CCR5AS: variants seen among roughly 807,000 people sequenced by gnomAD.
CCR5AS encodes CCR5 antisense RNA.
At chr3:46,391,632 A>G (rs1325641087) in intron 2 of CCR5AS, among the ~76,000 whole-genome samples, 5 of 152,214 alleles carry the variant, frequency 3.3e-5, no homozygotes, top group Admixed American at 2.0e-4. Flanking sequence ...AAAAAGGAGC[A>G]TTAACCTTGA....
intron 1 of CCR5AS, among the ~76,000 whole-genome samples, chr3:46,399,412 T>C (rs1292015875): frequency 6.6e-6 from 1 of 151,922 alleles, no homozygotes; most frequent in African/African-American, 2.4e-5. Flanking sequence ...GAATGAGCAG[T>C]GATGAAGTAG....
intron 3 of CCR5AS, among the ~76,000 whole-genome samples, chr3:46,366,264 G>A (rs915515230): frequency 7.2e-5 from 11 of 152,098 alleles, no homozygotes; most frequent in African/African-American, 2.7e-4. Context: ...TCAGCCTTAG[G>A]CCATAGTTGC....
chr3:46,406,819 A>G (rs1050407645), intron 1 of CCR5AS: 21 of 152,442 alleles, frequency 1.4e-4, no homozygotes, highest in African/African-American at 4.6e-4. Context: ...CCATTTTCCT[A>G]AAATTCTCTT....
At chr3:46,402,356 C>T (rs1227345153) in intron 1 of CCR5AS, among the ~76,000 whole-genome samples, 8 of 152,130 alleles carry the variant, frequency 5.3e-5, no homozygotes, top group South Asian at 2.1e-4. Flanking sequence ...AGATGGTCTC[C>T]GAAGCCTTAA....
At chr3:46,370,367 C>T (rs950835828) in intron 3 of CCR5AS, among the ~76,000 whole-genome samples, 10 of 135,142 alleles carry the variant, frequency 7.4e-5, no homozygotes, top group African/African-American at 2.8e-4. Context: ...TTACAGAGAA[C>T]AATAATATTG....
At chr3:46,367,196 A>T (rs763076964) in intron 3 of CCR5AS, among the ~76,000 whole-genome samples, 1 of 150,940 alleles carries the variant, frequency 6.6e-6, no homozygotes, top group Non-Finnish European at 1.5e-5. Flanking sequence ...AGTGATAGGG[A>T]TGTTCCTTAT....
chr3:46,370,326 T>C (rs138621551), intron 3 of CCR5AS, among the ~76,000 whole-genome samples: 13 of 149,424 alleles, frequency 8.7e-5, no homozygotes, highest in Non-Finnish European at 4.4e-5. Context: ...AGCCCATAGT[T>C]AAAACTCTTT....
At chr3:46,389,878 G>C (rs1383715292) in intron 2 of CCR5AS, among the ~76,000 whole-genome samples, 1 of 152,112 alleles carries the variant, frequency 6.6e-6, no homozygotes, top group Non-Finnish European at 1.5e-5. Context: ...CTGCAGGAAG[G>C]GTATGTGTAT....
chr3:46,396,824 AC>A lies in CCR5AS; in HGVS notation n.164-3773del, dbSNP rs536459910. ...ATTGTGTCTCCTGGAAGCCCTCCCC[AC>A]AAGTCTGCTGCATACAACTCTCCTT... On this transcript the variant is annotated intron_variant and non_coding_transcript_variant, in intron 1 of 3. Transcript: ENST00000451485. 1.6e-3 allele frequency among the ~76,000 whole-genome samples: 245 copies of A among 152,098 alleles called. 3 individuals carry two copies. Among genetic ancestry groups the A allele is most frequent in the Middle Eastern group, 0.01 (3 of 294 alleles).
intron 1 of CCR5AS, among the ~76,000 whole-genome samples, chr3:46,395,661 A>G (rs1701955350): frequency 6.6e-6 from 1 of 152,180 alleles, no homozygotes; most frequent in African/African-American, 2.4e-5. Context: ...AAAGGAATAC[A>G]AAGTAATGTT....
chr3:46,381,382 G>A (rs1389114042), intron 2 of CCR5AS, among the ~76,000 whole-genome samples: 1 of 152,140 alleles, frequency 6.6e-6, no homozygotes, highest in Non-Finnish European at 1.5e-5. Flanking sequence ...ATCAGGCAAT[G>A]ATAATTCTGC....
At chr3:46,383,595 C>T (rs1701832851) in intron 2 of CCR5AS, among the ~76,000 whole-genome samples, 1 of 152,038 alleles carries the variant, frequency 6.6e-6, no homozygotes, top group African/African-American at 2.4e-5. Context: ...ACCAATAAAC[C>T]CCACCGCCAC....
chr3:46,390,748 G>A (rs1219596361), intron 2 of CCR5AS, among the ~76,000 whole-genome samples: 3 of 152,150 alleles, frequency 2.0e-5, no homozygotes, highest in East Asian at 1.9e-4. Context: ...AGCCTATTAA[G>A]GAAGCTGGAC....
At chr3:46,392,693 G>T (rs1701923161) in intron 2 of CCR5AS, 1 of 152,548 alleles carries the variant, frequency 6.6e-6, no homozygotes, top group Non-Finnish European at 1.5e-5. Context: ...ATCCATGTTG[G>T]AGTTTTTGAG....
At chr3:46,389,179 TC>T (rs374259391) in intron 2 of CCR5AS, among the ~76,000 whole-genome samples, 101 of 152,298 alleles carry the variant, frequency 6.6e-4, no homozygotes, top group African/African-American at 2.4e-3. Flanking sequence ...TGTATTAGGC[TC>T]ATAAGGGTTA....
chr3:46,393,496 G>GAAAAAAAAAA (rs1701933778), intron 1 of CCR5AS, among the ~76,000 whole-genome samples: 11 of 139,034 alleles, frequency 7.9e-5, no homozygotes, highest in African/African-American at 1.4e-4. Context: ...GAAAAAAAAA[G>GAAAAAAAAAA]AAGAAGAAAA....
chr3:46,388,265 C>T (rs535137775), intron 2 of CCR5AS, among the ~76,000 whole-genome samples: 88 of 151,556 alleles, frequency 5.8e-4, no homozygotes, highest in African/African-American at 2.1e-3. Context: ...AGGGGTGACA[C>T]AGGAACCTAG....
At chr3:46,397,215 C>T (rs1701969013) in intron 1 of CCR5AS, among the ~76,000 whole-genome samples, 1 of 151,894 alleles carries the variant, frequency 6.6e-6, no homozygotes, top group South Asian at 2.1e-4. Flanking sequence ...CTGTGTGCTC[C>T]CCCAGCTTGG....
At chr3:46,394,611 G>C (rs761348258) in intron 1 of CCR5AS, among the ~76,000 whole-genome samples, 9 of 152,132 alleles carry the variant, frequency 5.9e-5, no homozygotes, top group Admixed American at 2.0e-4. Context: ...CCAGCGAGAC[G>C]TCCTGAGATT....
Sources: gnomAD v4.1 joint callset for allele counts (sites outside exome capture counted in the v4.1 genomes callset) on GRCh38, gnomAD v4.1.1 for gene constraint, MANE v1.5 for transcripts, NCBI Gene and HGNC (gene_info 2026-07-23, HGNC 2026-07-21) for gene names.